NAALADL2: variants seen among roughly 807,000 people sequenced by gnomAD.
NAALADL2 encodes N-acetylated alpha-linked acidic dipeptidase like 2.
In NAALADL2, 76 loss-of-function variants were observed where a neutral mutation model predicts 87.2. The observed-to-expected ratio is 0.87, with a 90% CI of 0.72 to 1.05. The LOEUF is 1.05. NAALADL2 is among the 50% of genes least tolerant of loss of function. The probability of loss-of-function intolerance (pLI) is 0.00; values close to 1 mark genes in which losing one functional copy is unlikely to be tolerated. For missense variants in NAALADL2, 1,089 were observed against 945.8 expected (o/e 1.15, Z -1.99); for synonymous variants, 354 against 331.0 (o/e 1.07, Z -0.75).
intron 1 of NAALADL2, among the ~76,000 whole-genome samples, chr3:175,055,111 G>A (rs1051660976): frequency 2.6e-5 from 4 of 152,132 alleles, no homozygotes; most frequent in African/African-American, 9.7e-5. Flanking sequence ...TCCCTGAATA[G>A]TTATTTCACA....
intron 2 of NAALADL2, among the ~76,000 whole-genome samples, chr3:175,118,763 A>T (rs1443423580): frequency 6.6e-6 from 1 of 151,780 alleles, no homozygotes; most frequent in African/African-American, 2.4e-5. Context: ...CAATATCATG[A>T]TGAATGGAGA....
intron 1 of NAALADL2, among the ~76,000 whole-genome samples, chr3:174,933,053 G>T (rs1005532773): frequency 6.6e-6 from 1 of 152,172 alleles, no homozygotes; most frequent in Admixed American, 6.5e-5. Context: ...GGAGGTGGAG[G>T]TTGCAGTGAA....
intron 1 of NAALADL2, among the ~76,000 whole-genome samples, chr3:174,988,396 G>T (rs1283021816): frequency 1.3e-5 from 2 of 152,036 alleles, no homozygotes; most frequent in Non-Finnish European, 1.5e-5. Flanking sequence ...TAATCCTAAC[G>T]GTAACCATGT....
chr3:175,356,650 G>A (rs1764412534), intron 5 of NAALADL2, among the ~76,000 whole-genome samples: 1 of 150,756 alleles, frequency 6.6e-6, no homozygotes. Context: ...ATATTGAAGA[G>A]AGAAACATAA....
chr3:175,569,303 C>A (rs966975547), intron 9 of NAALADL2, among the ~76,000 whole-genome samples: 1 of 152,196 alleles, frequency 6.6e-6, no homozygotes, highest in African/African-American at 2.4e-5. Context: ...TAACACAATT[C>A]TTCTTACTAC....
At position 174,990,493 on chromosome 3, in the gene NAALADL2, G is replaced by T. The variant is rs552741021; in HGVS notation, c.44-106297G>T. ...TAGATATAGTTGGAGGGTTTTTATA[G>T]AAGTTCTATAAAACAAATTGAAGTG... On this transcript the variant is annotated intron_variant, in intron 1 of 13. Coordinates refer to ENST00000454872, the MANE Select transcript of NAALADL2 (RefSeq NM_207015.3). 3.3e-5 allele frequency among the ~76,000 whole-genome samples: 5 copies of T among 152,168 alleles called. No homozygotes were observed. In the South Asian group the frequency reaches 1.0e-3, roughly 32 times the overall value.
chr3:174,782,184 G>A (rs1018822853), intron 3 of NAALADL2, among the ~76,000 whole-genome samples: 17 of 152,248 alleles, frequency 1.1e-4, no homozygotes, highest in African/African-American at 4.1e-4. Context: ...TAAATAGTGA[G>A]TAGATGATCC....
chr3:175,423,126 AGGG>A (rs1716084277), intron 5 of NAALADL2, among the ~76,000 whole-genome samples: 1 of 147,148 alleles, frequency 6.8e-6, no homozygotes, highest in Admixed American at 6.8e-5. Flanking sequence ...TGCATTTCAA[AGGG>A]AAAGAGAAGA....
At chr3:174,883,262 C>G (rs79314257) in intron 1 of NAALADL2, among the ~76,000 whole-genome samples, 4,617 of 152,130 alleles carry the variant, frequency 0.03, 228 homozygotes, top group African/African-American at 0.11. Flanking sequence ...CAGAAACACA[C>G]CAGGAGCAAT....
chr3:175,426,134 C>T (rs537796789), intron 5 of NAALADL2, among the ~76,000 whole-genome samples: 5 of 152,182 alleles, frequency 3.3e-5, no homozygotes, highest in Admixed American at 6.5e-5. Context: ...GAGGCCAAGG[C>T]GGGCGGATCA....
intron 1 of NAALADL2, among the ~76,000 whole-genome samples, chr3:174,476,256 C>CT (rs373800541): frequency 0.031 from 4,151 of 135,858 alleles, 91 homozygotes; most frequent in Non-Finnish European, 0.046. Flanking sequence ...GAGCAGTAGT[C>CT]TTTTTTTTTT....
At chr3:175,047,562 C>T (rs544744431) in intron 1 of NAALADL2, among the ~76,000 whole-genome samples, 1 of 152,176 alleles carries the variant, frequency 6.6e-6, no homozygotes, top group South Asian at 2.1e-4. Flanking sequence ...AAACATACAA[C>T]TTACCCAATA....
At chr3:175,632,145 G>T (rs1288331499) in intron 11 of NAALADL2, among the ~76,000 whole-genome samples, 1 of 151,942 alleles carries the variant, frequency 6.6e-6, no homozygotes, top group Non-Finnish European at 1.5e-5. Flanking sequence ...CCCAGGTGTT[G>T]CAGGAGGGAC....
rs913676701 is a variant in NAALADL2 at position 175,321,960 on chromosome 3, CT to C, written c.940-2212del. 3.0e-3 allele frequency among the ~76,000 whole-genome samples: 451 copies of C among 151,662 alleles called. 3 individuals carry two copies. Among genetic ancestry groups the C allele is most frequent in the African/African-American group, 0.011 (440 of 41,282 alleles). ...GCCATCCCCATCAAGCTACCAATGA[CT>C]TTCTTCACAGAACTGGAAAAAACTA... On this transcript the variant is annotated intron_variant, in intron 4 of 13. Coordinates refer to ENST00000454872, the MANE Select transcript of NAALADL2 (RefSeq NM_207015.3).
intron 1 of NAALADL2, among the ~76,000 whole-genome samples, chr3:174,443,806 TCCTGGAA>T (rs1714847191): frequency 2.1e-5 from 3 of 144,736 alleles, no homozygotes; most frequent in Non-Finnish European, 4.8e-5. Flanking sequence ...GAATATGGAA[TCCTGGAA>T]GTGTTTCAAG....
chr3:175,001,726 A>T (rs1748260156), intron 1 of NAALADL2, among the ~76,000 whole-genome samples: 1 of 152,184 alleles, frequency 6.6e-6, no homozygotes, highest in African/African-American at 2.4e-5. Flanking sequence ...CGTGAAAAAA[A>T]AATCAGATGC....
rs757872462 is a variant in NAALADL2 at position 175,467,038 on chromosome 3, T to A, written c.1387T>A (p.Trp463Arg). The change falls in exon 8 of 14, where the codon TGG becomes AGG. Residue 463 changes from tryptophan (W) to arginine (R), a missense_variant. Physicochemically the swap from Trp to Arg is moderately radical, Grantham distance 101. Transcript: ENST00000454872. ...TGCACACAGTTATAATGGACAAGAATGGGCCAGTAGTACTGCAATAATCAC... is the reference window on the plus strand; with the variant it reads ...TGCACACAGTTATAATGGACAAGAAAGGGCCAGTAGTACTGCAATAATCAC... ...HTAHSYNGQEWASSTAIITAF... is the reference protein window; with the variant it reads ...HTAHSYNGQERASSTAIITAF... 6.2e-7 allele frequency: 1 copy of A among 1,613,918 alleles called. No homozygotes were observed. The highest frequency in any genetic ancestry group is 8.5e-7 in the Non-Finnish European group (1 of 1,179,822).
chr3:175,535,104 C>A (rs1734634062), intron 9 of NAALADL2, among the ~76,000 whole-genome samples: 1 of 152,014 alleles, frequency 6.6e-6, no homozygotes, highest in African/African-American at 2.4e-5. Context: ...GTAGGTAATT[C>A]TACTCAGTCA....
At chr3:175,529,725 T>C (rs148455896) in intron 9 of NAALADL2, among the ~76,000 whole-genome samples, 2 of 152,312 alleles carry the variant, frequency 1.3e-5, no homozygotes, top group African/African-American at 4.8e-5. Context: ...AGCCGTAAAG[T>C]AAGCACCTTG....
Sources: gnomAD v4.1 joint callset for allele counts (sites outside exome capture counted in the v4.1 genomes callset) on GRCh38, gnomAD v4.1.1 for gene constraint, MANE v1.5 for transcripts, NCBI Gene and HGNC (gene_info 2026-07-23, HGNC 2026-07-21) for gene names.